The following STXBP5 variants were observed in gnomAD, a reference collection of about 807,000 sequenced individuals.
STXBP5 encodes syntaxin binding protein 5, also known as syntaxin-binding protein 5.
Under a neutral mutation model 152.4 loss-of-function variants are expected in STXBP5, and 50 were observed. The ratio of observed to expected loss-of-function variants is 0.33; its 90% CI spans 0.26 to 0.42. The LOEUF (loss-of-function observed/expected upper bound fraction) is 0.42. STXBP5 is among the 10% of genes least tolerant of loss of function. The pLI, the probability that STXBP5 is intolerant of heterozygous loss-of-function variation, is 1.00. For missense variants in STXBP5, 1,167 were observed against 1,388.6 expected (o/e 0.84, Z 2.54); for synonymous variants, 492 against 494.7 (o/e 0.99, Z 0.07).
chr6:147,334,175 G>T lies in STXBP5; in HGVS notation c.2099G>T (p.Ser700Ile). The change falls in exon 19 of 28, where the codon AGT becomes ATT. Residue 700 changes from serine (S) to isoleucine (I), a missense_variant. Coordinates refer to ENST00000321680, the MANE Select transcript of STXBP5 (RefSeq NM_001127715.4). ...QPSGAGLCDI[S>I]EGTVVPEDRC... ...TTTGTAGCCGGTCTGTGTGATATTA[G>T]TGAAGGGACTGTTGTTCCAGAGGAT... 6.2e-6 allele frequency: 10 copies of T among 1,612,798 alleles called. No homozygotes were observed. The highest frequency in any genetic ancestry group is 8.5e-6 in the Non-Finnish European group (10 of 1,179,486).
At position 147,304,979 on chromosome 6, in the gene STXBP5, G is replaced by C. The variant is rs1782016094; in HGVS notation, c.918-5105G>C. On this transcript the variant is annotated intron_variant, in intron 9 of 27. Coordinates refer to ENST00000321680, the MANE Select transcript of STXBP5 (RefSeq NM_001127715.4). ...CAGAGTGTGAGGGGGTATGAGGCTT[G>C]GATTGAGATCCTCAATAGCATCCTC... 2.0e-5 allele frequency among the ~76,000 whole-genome samples: 3 copies of C among 152,122 alleles called. No homozygotes were observed. In the South Asian group the frequency reaches 6.2e-4, roughly 31 times the overall value.
intron 25 of STXBP5, among the ~76,000 whole-genome samples, chr6:147,369,013 C>A (rs143777451): frequency 6.6e-6 from 1 of 151,490 alleles, no homozygotes; most frequent in Non-Finnish European, 1.5e-5. Flanking sequence ...TACGTAAATA[C>A]AAGAGAACTA....
chr6:147,270,653 G>A (rs564536499), intron 7 of STXBP5, among the ~76,000 whole-genome samples: 1 of 152,098 alleles, frequency 6.6e-6, no homozygotes, highest in East Asian at 1.9e-4. Flanking sequence ...GAAGACAAAT[G>A]TTATGAGATG....
intron 2 of STXBP5, among the ~76,000 whole-genome samples, chr6:147,232,967 T>C (rs1272077631): frequency 6.6e-6 from 1 of 151,670 alleles, no homozygotes; most frequent in Non-Finnish European, 1.5e-5. Context: ...ATTTGAAGTT[T>C]CAACACCAGT....
intron 21 of STXBP5, among the ~76,000 whole-genome samples, chr6:147,350,972 G>C (rs1485496588): frequency 1.3e-5 from 2 of 152,150 alleles, no homozygotes; most frequent in African/African-American, 4.8e-5. Context: ...GGTTTCAGCT[G>C]ATTCCAAACC....
intron 4 of STXBP5, among the ~76,000 whole-genome samples, chr6:147,244,534 T>C (rs1195281207): frequency 1.3e-5 from 2 of 152,224 alleles, no homozygotes; most frequent in African/African-American, 4.8e-5. Flanking sequence ...TCTCCGAAAT[T>C]GCAATGTTTT....
At chr6:147,232,921 T>G (rs1158047870) in intron 2 of STXBP5, among the ~76,000 whole-genome samples, 1 of 151,694 alleles carries the variant, frequency 6.6e-6, no homozygotes, top group Non-Finnish European at 1.5e-5. Flanking sequence ...CATTTTTCAT[T>G]CTCTTTGGAG....
chr6:147,376,052 G>A (rs183560818), intron 26 of STXBP5, among the ~76,000 whole-genome samples: 20 of 152,262 alleles, frequency 1.3e-4, no homozygotes, highest in Admixed American at 7.2e-4. Flanking sequence ...GGATGTCAGA[G>A]ACACACAGTG....
At chr6:147,227,140 A>C (rs1429444503) in intron 2 of STXBP5, among the ~76,000 whole-genome samples, 1 of 150,858 alleles carries the variant, frequency 6.6e-6, no homozygotes. Context: ...CTAGAGAGAG[A>C]TCTTGATTCA....
Position 147,291,221 on chromosome 6 carries a change from T to C in STXBP5, c.917+49T>C, listed in dbSNP as rs771806857. ...TGTTCATTGTATATAAGTCCTCAAA[T>C]AGCATGGAAGGCTATTTTATCATTA... On this transcript the variant is annotated intron_variant, in intron 9 of 27. Transcript: ENST00000321680. 1.7e-5 allele frequency: 25 copies of C among 1,445,680 alleles called. No homozygotes were observed. In the East Asian group the frequency reaches 5.8e-4, roughly 33 times the overall value. The allele number at this position is 1,445,680 out of a possible 1,614,324, so 89.6% of individuals were successfully genotyped here. A position where few individuals can be genotyped will look rare whatever the true frequency, so the allele number is the denominator to read the frequency against.
At chr6:147,233,326 T>G (rs762120076) in intron 2 of STXBP5, among the ~76,000 whole-genome samples, 3 of 151,754 alleles carry the variant, frequency 2.0e-5, no homozygotes, top group Non-Finnish European at 4.4e-5. Flanking sequence ...TTTAAGAAGT[T>G]AAACTGGAAA....
At chr6:147,251,084 T>C (rs559086724) in intron 4 of STXBP5, among the ~76,000 whole-genome samples, 1 of 150,020 alleles carries the variant, frequency 6.7e-6, no homozygotes, top group South Asian at 2.1e-4. Flanking sequence ...CCAACGGAGG[T>C]ACCCAGCTCA....
At chr6:147,316,768 G>GTTTT (rs5880706) in intron 16 of STXBP5, among the ~76,000 whole-genome samples, 97,666 of 151,402 alleles carry the variant, frequency 0.65, 32,049 homozygotes, top group African/African-American at 0.78. Context: ...TGAAAATTCT[G>GTTTT]TTTAAGTCTT....
At chr6:147,325,537 T>C (rs987716121) in intron 17 of STXBP5, among the ~76,000 whole-genome samples, 7 of 152,234 alleles carry the variant, frequency 4.6e-5, no homozygotes, top group African/African-American at 1.4e-4. Flanking sequence ...CAATAATTAA[T>C]ATTCATTTAT....
Position 147,387,805 on chromosome 6 carries a change from A to G in STXBP5, c.*3050A>G, listed in dbSNP as rs1449308610. 2 of 150,568 alleles carry G rather than the reference A, an allele frequency of 1.3e-5. No homozygotes were observed. The allele number at this position is 150,568 out of a possible 1,614,324, so 9.3% of individuals were successfully genotyped here. ...GAAGCAATTTTTTTTTTTTTGGCTTAGAACTTCTTAATTGTAGGTTCCTCT... is the reference window on the plus strand; with the variant it reads ...GAAGCAATTTTTTTTTTTTTGGCTTGGAACTTCTTAATTGTAGGTTCCTCT... On this transcript the variant is annotated 3_prime_UTR_variant, in exon 28 of 28. Transcript: ENST00000321680.
In STXBP5 at chr6:147,262,278, T is replaced by C; in HGVS notation, c.567-12T>C. On this transcript the variant is annotated splice_polypyrimidine_tract_variant and intron_variant, in intron 5 of 27. Transcript: ENST00000321680. The stretch of plus-strand genomic sequence containing the variant: ...ACTGAAGAGAAAATCTTACTAACTT[T>C]TTCTTTTTTAGGTCATCTAAATCTC... 2 of 1,532,726 alleles carry C rather than the reference T, an allele frequency of 1.3e-6. No individual in the cohort carries two copies. The highest frequency in any genetic ancestry group is 2.2e-5 in the Admixed American group (1 of 45,542). The allele number at this position is 1,532,726 out of a possible 1,614,324, so 94.9% of individuals were successfully genotyped here. A position where few individuals can be genotyped will look rare whatever the true frequency, so the allele number is the denominator to read the frequency against.
At chr6:147,372,398 G>A (rs1326471628) in intron 25 of STXBP5, among the ~76,000 whole-genome samples, 6 of 103,632 alleles carry the variant, frequency 5.8e-5, no homozygotes, top group East Asian at 3.1e-4. Context: ...TGTTACTACC[G>A]TCCTTTTCCT....
Position 147,329,725 on chromosome 6 carries a change from A to G in STXBP5, c.2080+2449A>G, listed in dbSNP as rs377081202. On this transcript the variant is annotated intron_variant, in intron 18 of 27. Coordinates refer to ENST00000321680, the MANE Select transcript of STXBP5 (RefSeq NM_001127715.4). ...ACTGCAAGCTCCGCCTCCCGGGTTC[A>G]CGCCATTCTCCTGCCTCAGCCTCCC... Among the ~76,000 whole-genome samples the G allele has an allele frequency of 2.4e-4, 33 of 135,474 alleles. No homozygotes were observed. The East Asian group carries it at 7.0e-3, about 29-fold the overall frequency. 88.9% of individuals were successfully genotyped at this position (135,474 alleles called of 152,430 possible). A position where few individuals can be genotyped will look rare whatever the true frequency, so the allele number is the denominator to read the frequency against.
intron 4 of STXBP5, among the ~76,000 whole-genome samples, chr6:147,252,476 A>G (rs1031285300): frequency 6.6e-6 from 1 of 151,996 alleles, no homozygotes; most frequent in Non-Finnish European, 1.5e-5. Context: ...AAGAAAGGAT[A>G]TCAGGGATTG....
Sources: allele counts gnomAD v4.1 joint callset (sites outside exome capture counted in the v4.1 genomes callset), GRCh38; gene constraint gnomAD v4.1.1; transcripts MANE v1.5; gene names NCBI Gene and HGNC (gene_info 2026-07-23, HGNC 2026-07-21).